Variants in C17orf67 observed in about 807,000 individuals in gnomAD.
C17orf67 encodes chromosome 17 open reading frame 67, also known as uncharacterized protein C17orf67.
C17orf67 carries 12 observed loss-of-function variants against 11.2 expected under a neutral mutation model. The ratio of observed to expected loss-of-function variants is 1.07; its 90% CI spans 0.68 to 1.73. The LOEUF (loss-of-function observed/expected upper bound fraction) is 1.73, where lower values mean the gene tolerates loss of function less well. C17orf67 is among the 40% of genes most tolerant of loss of function. The pLI, the probability that C17orf67 is intolerant of heterozygous loss-of-function variation, is 0.00. For synonymous variants in C17orf67, 59 were observed against 46.9 expected, an observed-to-expected ratio of 1.26 and a Z score of -1.05; for missense variants, 115 against 113.5, an observed-to-expected ratio of 1.01 and a Z score of -0.06.
intron 2 of C17orf67, among the ~76,000 whole-genome samples, chr17:56,825,944 A>AGTGTGTGTGTGT (rs34927974): frequency 1.1e-5 from 1 of 90,298 alleles, no homozygotes; most frequent in African/African-American, 3.7e-5. Flanking sequence ...GAAACCTGTG[A>AGTGTGTGTGTGT]GTGTGTGTGT....
At chr17:56,815,450 C>G (rs1483818463) in intron 5 of C17orf67, among the ~76,000 whole-genome samples, 1 of 152,078 alleles carries the variant, frequency 6.6e-6, no homozygotes, top group Non-Finnish European at 1.5e-5. Context: ...AAGATATTAT[C>G]ATCATAAAAA....
chr17:56,795,358 A>G (rs1253413107), intron 6 of C17orf67, 178 bp from the exon 7 acceptor site: 2 of 595,470 alleles, frequency 3.4e-6, no homozygotes, highest in African/African-American at 3.7e-5. Flanking sequence ...TGACCCACCC[A>G]GTGGGCAAAA....
chr17:56,831,888 A>C (rs1336711151), intron 2 of C17orf67, among the ~76,000 whole-genome samples: 2 of 152,192 alleles, frequency 1.3e-5, no homozygotes, highest in African/African-American at 4.8e-5. Flanking sequence ...TGCAGACTTC[A>C]GCAAAAAGGA....
At chr17:56,809,965 TCACA>T (rs1175907858) in intron 6 of C17orf67, among the ~76,000 whole-genome samples, 1 of 114,042 alleles carries the variant, frequency 8.8e-6, no homozygotes, top group Admixed American at 9.1e-5. Context: ...CTCACTCACC[TCACA>T]CACAATCCTT....
intron 6 of C17orf67, among the ~76,000 whole-genome samples, chr17:56,813,223 G>A (rs998895179): frequency 2.8e-5 from 4 of 143,784 alleles, no homozygotes; most frequent in Non-Finnish European, 4.5e-5. Flanking sequence ...CCCCCAACCC[G>A]CCAGCCGCCA....
intron 4 of C17orf67, among the ~76,000 whole-genome samples, chr17:56,822,835 C>G (rs951038573): frequency 2.6e-5 from 4 of 152,238 alleles, no homozygotes; most frequent in African/African-American, 9.6e-5. Context: ...GGCATACACC[C>G]CTTCCTGTCT....
intron 4 of C17orf67, among the ~76,000 whole-genome samples, chr17:56,816,526 A>C (rs79852037): frequency 6.6e-4 from 100 of 152,300 alleles, no homozygotes; most frequent in African/African-American, 2.3e-3. Flanking sequence ...CTTCCATCTT[A>C]CAGTAAGAAA....
chr17:56,801,880 G>A (rs1905330955), intron 6 of C17orf67, among the ~76,000 whole-genome samples: 1 of 152,192 alleles, frequency 6.6e-6, no homozygotes, highest in African/African-American at 2.4e-5. Flanking sequence ...GCACACTGAA[G>A]GAACCCCTGC....
chr17:56,812,559 T>C (rs907978106), intron 6 of C17orf67, among the ~76,000 whole-genome samples: 2 of 152,018 alleles, frequency 1.3e-5, no homozygotes, highest in South Asian at 2.1e-4. Flanking sequence ...ATTCTGGACA[T>C]TGGATGAAGT....
At chr17:56,811,194 C>A (rs116382555) in intron 6 of C17orf67, among the ~76,000 whole-genome samples, 13 of 152,246 alleles carry the variant, frequency 8.5e-5, no homozygotes, top group African/African-American at 3.1e-4. Context: ...CAATATGAGA[C>A]CTGGAATTAG....
intron 2 of C17orf67, among the ~76,000 whole-genome samples, chr17:56,831,665 A>T (rs774729666): frequency 1.3e-5 from 2 of 152,126 alleles, no homozygotes; most frequent in Non-Finnish European, 2.9e-5. Flanking sequence ...TACCACAAAA[A>T]GCCTCAAGAG....
chr17:56,814,910 C>G lies in C17orf67; in HGVS notation c.115G>C (p.Asp39His). 6.2e-7 allele frequency: 1 copy of G among 1,614,102 alleles called. No individual in the cohort carries two copies. Among genetic ancestry groups the G allele is most frequent in the Non-Finnish European group, 8.5e-7 (1 of 1,179,982 alleles). Residue 39 changes from aspartate (D) to histidine (H), a missense_variant, in exon 6 of 8, where the codon GAT (aspartate) becomes CAT (histidine). Transcript: ENST00000397861. ...GGGAATCCGGGTTTGCTTGGTCTAT[C>G]CTGTCGCCGAGATCTTAGGAGCTGT... ...AKQLLRSRRQ[D>H]RPSKPGFPDE...
intron 6 of C17orf67, among the ~76,000 whole-genome samples, chr17:56,811,586 C>T (rs755282493): frequency 6.6e-6 from 1 of 152,124 alleles, no homozygotes; most frequent in Non-Finnish European, 1.5e-5. Flanking sequence ...GTCCATTGTA[C>T]CAGATAACCT....
chr17:56,814,578 C>T (rs544665719), intron 6 of C17orf67, among the ~76,000 whole-genome samples: 39 of 152,274 alleles, frequency 2.6e-4, no homozygotes, highest in African/African-American at 8.7e-4. Flanking sequence ...AACAGCTCCC[C>T]AGCAAGCAGG....
intron 4 of C17orf67, among the ~76,000 whole-genome samples, chr17:56,820,205 A>G (rs1012251593): frequency 1.3e-5 from 2 of 152,246 alleles, no homozygotes; most frequent in African/African-American, 4.8e-5. Flanking sequence ...TTCTGGTCAC[A>G]AAACATCACC....
intron 7 of C17orf67, 61 bp downstream of exon 7, chr17:56,794,983 A>C: frequency 2.4e-6 from 3 of 1,231,796 alleles, no homozygotes; most frequent in South Asian, 1.2e-5. Flanking sequence ...CTCCCAGCCC[A>C]TGCCATGCTG....
intron 6 of C17orf67, among the ~76,000 whole-genome samples, chr17:56,801,835 T>C (rs138771151): frequency 1.1e-4 from 16 of 152,324 alleles, no homozygotes; most frequent in Non-Finnish European, 2.1e-4. Context: ...GTTCCCAGCA[T>C]ATAACTTTAC....
At chr17:56,811,514 A>G (rs1011226439) in intron 6 of C17orf67, among the ~76,000 whole-genome samples, 3 of 151,840 alleles carry the variant, frequency 2.0e-5, no homozygotes, top group African/African-American at 7.3e-5. Context: ...ATTGTACCAG[A>G]TAACCTCGTT....
intron 6 of C17orf67, among the ~76,000 whole-genome samples, chr17:56,799,284 T>C (rs1303040202): frequency 6.6e-6 from 1 of 152,220 alleles, no homozygotes; most frequent in Non-Finnish European, 1.5e-5. Context: ...ACTGTCTCTA[T>C]AGTTTTGCCT....
Sources: gnomAD v4.1 joint callset for allele counts (sites outside exome capture counted in the v4.1 genomes callset) on GRCh38, gnomAD v4.1.1 for gene constraint, MANE v1.5 for transcripts, NCBI Gene and HGNC (gene_info 2026-07-23, HGNC 2026-07-21) for gene names.